PSMA4: variants seen among roughly 807,000 people sequenced by gnomAD.
PSMA4 encodes proteasome 20S subunit alpha 4, also known as proteasome subunit alpha type-4.
A neutral mutation model predicts 37.2 loss-of-function variants in PSMA4; 8 were observed. The ratio of observed to expected loss-of-function variants is 0.22; its 90% CI spans 0.13 to 0.39. PSMA4 has a LOEUF of 0.39. PSMA4 is among the 10% of genes least tolerant of loss of function. PSMA4 has a pLI of 1.00. For missense variants in PSMA4, 169 were observed against 305.1 expected (o/e 0.55, Z 3.32); for synonymous variants, 93 against 98.8 (o/e 0.94, Z 0.35).
At chr15:78,548,284 T>C (rs1456173903) in intron 8 of PSMA4, among the ~76,000 whole-genome samples, 1 of 152,138 alleles carries the variant, frequency 6.6e-6, no homozygotes, top group Non-Finnish European at 1.5e-5. Context: ...CCCTCTTTTG[T>C]CTACTTCCAC....
chr15:78,547,109 C>T (rs1190312269), intron 8 of PSMA4, among the ~76,000 whole-genome samples: 1 of 152,190 alleles, frequency 6.6e-6, no homozygotes, highest in Admixed American at 6.5e-5. Context: ...TTCATTGAAA[C>T]AGCAACCTTA....
In PSMA4 at chr15:78,549,121, G is replaced by T. The variant is rs747048817; in HGVS notation, c.*177G>T. ...TGAATACTTTATTGTAACGATGATG[G>T]TTACCCTTCATGGACGTCTTAATCT... On this transcript the variant is annotated 3_prime_UTR_variant, in exon 9 of 9. Coordinates refer to ENST00000044462, the MANE Select transcript of PSMA4 (RefSeq NM_002789.6). 9.0e-6 allele frequency: 9 copies of T among 1,004,126 alleles called. No homozygotes were observed. In the South Asian group the frequency reaches 1.6e-4, roughly 18 times the overall value. The allele number at this position is 1,004,126 out of a possible 1,614,324, so 62.2% of individuals were successfully genotyped here.
In PSMA4 at chr15:78,551,848, C is replaced by T. The variant is rs1285785130; in HGVS notation, c.*2904C>T. The stretch of plus-strand genomic sequence containing the variant: ...CAACATTTGCCTAAAGCTAGGACAA[C>T]TTCTTCAAAGGCAATAGTGAATAAG... On this transcript the variant is annotated 3_prime_UTR_variant, in exon 9 of 9. Transcript: ENST00000044462. 6.6e-6 allele frequency: 1 copy of T among 152,136 alleles called. No individual in the cohort carries two copies. Among genetic ancestry groups the T allele is most frequent in the African/African-American group, 2.4e-5 (1 of 41,430 alleles). The allele number at this position is 152,136 out of a possible 1,614,324, so 9.4% of individuals were successfully genotyped here. A position where few individuals can be genotyped will look rare whatever the true frequency, so the allele number is the denominator to read the frequency against.
chr15:78,546,448 C>CAAAAA, intron 7 of PSMA4, 127 bp from the exon 8 acceptor site: 1 of 656,514 alleles, frequency 1.5e-6, no homozygotes, highest in Non-Finnish European at 2.3e-6. Flanking sequence ...GCCCCTGTGT[C>CAAAAA]AAAAAAAAAA....
At chr15:78,542,382 T>A in intron 3 of PSMA4, 101 bp from the exon 4 acceptor site, 1 of 1,451,016 alleles carries the variant, frequency 6.9e-7, no homozygotes, top group Non-Finnish European at 9.4e-7. Flanking sequence ...AGAGTGAAAG[T>A]GGAAATTTGT....
At chr15:78,542,374 A>C in intron 3 of PSMA4, 109 bp from the exon 4 acceptor site, 1 of 1,420,900 alleles carries the variant, frequency 7.0e-7, no homozygotes, top group African/African-American at 1.4e-5. Context: ...ACCATAGAAG[A>C]GTGAAAGTGG....
Position 78,541,914 on chromosome 15 carries a change from A to G in PSMA4, c.-14A>G. The G allele has an allele frequency of 1.9e-6, 3 of 1,591,072 alleles. No individual in the cohort carries two copies. The highest frequency in any genetic ancestry group is 2.6e-6 in the Non-Finnish European group (3 of 1,162,518). On this transcript the variant is annotated 5_prime_UTR_variant, in exon 2 of 9. It adds an upstream start codon to the 5' untranslated region. Coordinates refer to ENST00000044462, the MANE Select transcript of PSMA4 (RefSeq NM_002789.6). ...GATTTTCTTTTTACAGGAACTATAT[A>G]AAGTTCAGAAAACATGGTGAGTTAA...
Position 78,546,693 on chromosome 15 carries a change from A to T in PSMA4, c.626A>T (p.Glu209Val). ...KTMDVSKLSA[E>V]KVEIATLTRE... ...ATGGATGTTAGTAAACTCTCTGCTG[A>T]AAAAGGTAATTCATATCCTCTCCTT... is the stretch of plus-strand genomic sequence containing the variant. The change falls in exon 8 of 9, where the codon GAA becomes GTA. Residue 209 changes from glutamate to valine, a missense_variant. By Grantham distance (121) the Glu-to-Val change is moderately radical. This residue lies in a region of PSMA4 where 90 missense variants were observed against 92.7 expected (regional missense o/e 0.97). Transcript: ENST00000044462. 1 of 1,596,524 alleles carries T rather than the reference A, an allele frequency of 6.3e-7. No individual in the cohort carries two copies.
rs190435004 is a variant in PSMA4, at chr15:78,547,819, A to G, written c.632-971A>G. Reference sequence around the variant, plus strand: ...GCCACTGCACTCCAGCGTGGGTGACAGAGAGAGACTCTGTCTCAAAAAAAA... The same window carrying G: ...GCCACTGCACTCCAGCGTGGGTGACGGAGAGAGACTCTGTCTCAAAAAAAA... On this transcript the variant is annotated intron_variant, in intron 8 of 8. Coordinates refer to ENST00000044462, the MANE Select transcript of PSMA4 (RefSeq NM_002789.6). Among the ~76,000 whole-genome samples the G allele has an allele frequency of 3.1e-3, 471 of 151,630 alleles. 4 individuals are homozygous for G. Among genetic ancestry groups the G allele is most frequent in the African/African-American group, 0.011 (456 of 40,918 alleles).
At position 78,550,720 on chromosome 15, in the gene PSMA4, G is replaced by C. The variant is rs955484297; in HGVS notation, c.*1776G>C. ...AAAAATAAACGGCACAAGGTAGACT[G>C]CAGGAACACTTACACGGTGTGAGAG... On this transcript the variant is annotated 3_prime_UTR_variant, in exon 9 of 9. Transcript: ENST00000044462. 1.3e-5 allele frequency: 2 copies of C among 151,178 alleles called. No individual in the cohort carries two copies. The highest frequency in any genetic ancestry group is 4.9e-5 in the African/African-American group (2 of 40,602). 9.4% of individuals were successfully genotyped at this position (151,178 alleles called of 1,614,324 possible).
At chr15:78,544,127 A>G (rs1411367135) in intron 4 of PSMA4, 63 bp from the exon 5 acceptor site, 2 of 1,212,196 alleles carry the variant, frequency 1.6e-6, no homozygotes, top group Non-Finnish European at 2.4e-6. Context: ...TTTTTTAAAT[A>G]CTTATAAACA....
intron 8 of PSMA4, 140 bp from the exon 9 acceptor site, chr15:78,548,650 T>C (rs1422653944): frequency 3.7e-6 from 4 of 1,069,258 alleles, no homozygotes; most frequent in Non-Finnish European, 5.1e-6. Context: ...AAGGGAATAA[T>C]GTTAAGTATA....
At chr15:78,541,478 A>G (rs1021438419) in intron 1 of PSMA4, 9 of 188,482 alleles carry the variant, frequency 4.8e-5, no homozygotes, top group Admixed American at 3.9e-4. Context: ...CCACTAAACT[A>G]TCCTGCCTCC....
chr15:78,544,132 T>C (rs2052505734), intron 4 of PSMA4, 58 bp from the exon 5 acceptor site: 12 of 1,311,278 alleles, frequency 9.2e-6, no homozygotes, highest in South Asian at 2.5e-5. Context: ...TAAATACTTA[T>C]AAACACTCCT....
Position 78,546,391 on chromosome 15 carries a change from G to A in PSMA4, c.508-184G>A, listed in dbSNP as rs147728918. 7.3e-3 allele frequency among the ~76,000 whole-genome samples: 1,113 copies of A among 151,560 alleles called. 47 individuals carry two copies. Among genetic ancestry groups the A allele is most frequent in the Admixed American group, 0.053 (810 of 15,206 alleles). On this transcript the variant is annotated intron_variant, in intron 7 of 8. Coordinates refer to ENST00000044462, the MANE Select transcript of PSMA4 (RefSeq NM_002789.6). Reference sequence around the variant, plus strand: ...GAGCCTGGGGAGACTTGAAGATACAGTGAGCTGAGATCATGCCACTACACT... The same window carrying A: ...GAGCCTGGGGAGACTTGAAGATACAATGAGCTGAGATCATGCCACTACACT...
At position 78,549,642 on chromosome 15, in the gene PSMA4, C is replaced by G. The variant is rs1404046901; in HGVS notation, c.*698C>G. 1 of 152,226 alleles carries G rather than the reference C, an allele frequency of 6.6e-6. No homozygotes were observed. Among genetic ancestry groups the G allele is most frequent in the South Asian group, 2.1e-4 (1 of 4,838 alleles). The allele number at this position is 152,226 out of a possible 1,614,324, so 9.4% of individuals were successfully genotyped here. ...CGTAGCCATGGTGCTTTAGCATCAC[C>G]TATGCAGATTCTGATGTCCCATCCC... is the stretch of plus-strand genomic sequence containing the variant. On this transcript the variant is annotated 3_prime_UTR_variant, in exon 9 of 9. Transcript: ENST00000044462.
intron 3 of PSMA4, 117 bp from the exon 4 acceptor site, chr15:78,542,366 C>A: frequency 1.4e-6 from 2 of 1,401,660 alleles, no homozygotes; most frequent in South Asian, 1.3e-5. Context: ...TTGATTATAC[C>A]ATAGAAGAGT....
chr15:78,549,583 T>C lies in PSMA4; in HGVS notation c.*639T>C, dbSNP rs1489020537. The C allele has an allele frequency of 6.6e-6, 1 of 152,314 alleles. No homozygotes were observed. Among genetic ancestry groups the C allele is most frequent in the Non-Finnish European group, 1.5e-5 (1 of 68,086 alleles). The allele number at this position is 152,314 out of a possible 1,614,324, so 9.4% of individuals were successfully genotyped here. A position where few individuals can be genotyped will look rare whatever the true frequency, so the allele number is the denominator to read the frequency against. On this transcript the variant is annotated 3_prime_UTR_variant, in exon 9 of 9. Coordinates refer to ENST00000044462, the MANE Select transcript of PSMA4 (RefSeq NM_002789.6). ...GTTCCCTTGGCTATCTGTGGCTTCATGACAGAAGTGATACAGGGCAGTGGT... is the reference window on the plus strand; with the variant it reads ...GTTCCCTTGGCTATCTGTGGCTTCACGACAGAAGTGATACAGGGCAGTGGT...
At chr15:78,547,847 A>G (rs2052581322) in intron 8 of PSMA4, among the ~76,000 whole-genome samples, 1 of 152,086 alleles carries the variant, frequency 6.6e-6, no homozygotes, top group Non-Finnish European at 1.5e-5. Flanking sequence ...AAAAAAAAAA[A>G]GAATATTTCT....
Sources: gnomAD v4.1 joint callset for allele counts (sites outside exome capture counted in the v4.1 genomes callset) on GRCh38, gnomAD v4.1.1 for gene constraint, gnomAD v4.1.1 regional missense constraint, MANE v1.5 for transcripts, NCBI Gene and HGNC (gene_info 2026-07-23, HGNC 2026-07-21) for gene names.